The following SLC22A4 variants were observed in gnomAD, a reference collection of about 807,000 sequenced individuals.
SLC22A4 encodes solute carrier family 22 member 4.
SLC22A4 carries 39 observed loss-of-function variants against 56.6 expected under a neutral mutation model. The ratio of observed to expected loss-of-function variants is 0.69; its 90% CI spans 0.53 to 0.90. The LOEUF (loss-of-function observed/expected upper bound fraction) is 0.90. SLC22A4 is among the 40% of genes least tolerant of loss of function. The pLI is 0.00. For missense variants in SLC22A4, 594 were observed against 696.5 expected, an observed-to-expected ratio of 0.85 and a Z score of 1.66; for synonymous variants, 241 against 281.4, an observed-to-expected ratio of 0.86 and a Z score of 1.44.
intron 1 of SLC22A4, among the ~76,000 whole-genome samples, chr5:132,304,160 T>C (rs190437744): frequency 1.9e-4 from 29 of 152,280 alleles, no homozygotes; most frequent in Non-Finnish European, 3.5e-4. Flanking sequence ...ACAAACCTTA[T>C]AGATTTGCCT....
rs768533971 is a variant in SLC22A4 at position 132,322,300 on chromosome 5, C to A, written c.769C>A (p.Arg257=). The A allele has an allele frequency of 8.7e-6, 14 of 1,613,872 alleles. No individual in the cohort carries two copies. In the East Asian group the frequency reaches 2.4e-4, roughly 28 times the overall value. ...PLFAYFIRDW[R]MLLLALTVPG... is the part of the protein sequence containing the mutation. ...GTTTGCTTACTTCATCAGAGACTGG[C>A]GGATGCTGCTGCTGGCGCTGACGGT... is the stretch of plus-strand genomic sequence containing the variant. The change falls in exon 4 of 10, where the codon CGG becomes AGG. Residue 257 remains arginine (R), a synonymous_variant. Transcript: ENST00000200652.
chr5:132,328,046 A>T (rs1175247934), intron 5 of SLC22A4, among the ~76,000 whole-genome samples: 1 of 152,204 alleles, frequency 6.6e-6, no homozygotes, highest in African/African-American at 2.4e-5. Context: ...AGGAACATAG[A>T]ATGTAACTAA....
rs55756450 is a variant in SLC22A4, at chr5:132,319,301, CAA to C, written c.653-2867_653-2866del. ...TAGGCAACAGAGCACAAGTCTGTCT[CAA>C]AAAAAAAAAAAAAAAGAAAAAAAAG... On this transcript the variant is annotated intron_variant, in intron 3 of 9. Coordinates refer to ENST00000200652, the MANE Select transcript of SLC22A4 (RefSeq NM_003059.3). Among the ~76,000 whole-genome samples the C allele has an allele frequency of 5.7e-3, 491 of 85,478 alleles. 3 individuals carry two copies. The highest frequency in any genetic ancestry group is 0.017 in the African/African-American group (440 of 26,650). 56.1% of individuals were successfully genotyped at this position (85,478 alleles called of 152,430 possible).
chr5:132,314,754 T>C (rs1001974521), intron 3 of SLC22A4, among the ~76,000 whole-genome samples: 7 of 152,382 alleles, frequency 4.6e-5, no homozygotes, highest in South Asian at 4.1e-4. Flanking sequence ...ACTGTCTTAA[T>C]TGATGGTGTG....
In SLC22A4 at chr5:132,327,339, T is replaced by A; in HGVS notation, c.887T>A (p.Ile296Asn). 6.2e-7 allele frequency: 1 copy of A among 1,609,650 alleles called. No homozygotes were observed. The highest frequency in any genetic ancestry group is 8.5e-7 in the Non-Finnish European group (1 of 1,175,994). The change falls in exon 5 of 10, where the codon ATC becomes AAC. Residue 296 changes from isoleucine to asparagine, a missense_variant. Coordinates refer to ENST00000200652, the MANE Select transcript of SLC22A4 (RefSeq NM_003059.3). ...SQRRFREAED[I>N]IQKAAKMNNI... ...AGAAGATTTAGAGAGGCTGAAGATA[T>A]CATCCAAAAAGCTGCAAAAATGAAC...
At chr5:132,327,748 A>G (rs547556310) in intron 5 of SLC22A4, among the ~76,000 whole-genome samples, 24 of 152,184 alleles carry the variant, frequency 1.6e-4, no homozygotes, top group Non-Finnish European at 3.4e-4. Context: ...AAGTGGAAAA[A>G]TATGTTTCAG....
intron 9 of SLC22A4, among the ~76,000 whole-genome samples, chr5:132,341,179 G>A (rs899978999): frequency 1.3e-5 from 2 of 151,956 alleles, no homozygotes; most frequent in African/African-American, 4.8e-5. Flanking sequence ...CAACACTTTG[G>A]GAGGCTGAGG....
At chr5:132,302,565 G>A (rs1260863986) in intron 1 of SLC22A4, among the ~76,000 whole-genome samples, 1 of 152,208 alleles carries the variant, frequency 6.6e-6, no homozygotes, top group Non-Finnish European at 1.5e-5. Context: ...ACATGCTCTA[G>A]CAAGAAGCAC....
chr5:132,319,628 T>C (rs1750473680), intron 3 of SLC22A4, among the ~76,000 whole-genome samples: 1 of 152,224 alleles, frequency 6.6e-6, no homozygotes, highest in Admixed American at 6.5e-5. Context: ...GTTTCGCTCT[T>C]GTTGCCCAGT....
chr5:132,309,142 T>G (rs3792879), intron 1 of SLC22A4, among the ~76,000 whole-genome samples: 1 of 152,104 alleles, frequency 6.6e-6, no homozygotes, highest in Non-Finnish European at 1.5e-5. Flanking sequence ...AAGAAAAGCC[T>G]TTTCTAAAGG....
At chr5:132,302,631 T>A (rs72795121) in intron 1 of SLC22A4, among the ~76,000 whole-genome samples, 47,442 of 152,148 alleles carry the variant, frequency 0.31, 9,525 homozygotes, top group Non-Finnish European at 0.46. Flanking sequence ...GAGGGCAGGT[T>A]CAGGCGGCAA....
intron 1 of SLC22A4, among the ~76,000 whole-genome samples, chr5:132,308,640 C>T (rs1750104061): frequency 1.3e-5 from 2 of 151,970 alleles, no homozygotes; most frequent in Admixed American, 6.5e-5. Context: ...AGAGTGACCT[C>T]CTATCCCCTA....
intron 8 of SLC22A4, among the ~76,000 whole-genome samples, chr5:132,339,087 A>C (rs1751118799): frequency 6.6e-6 from 1 of 152,210 alleles, no homozygotes; most frequent in African/African-American, 2.4e-5. Context: ...TGAAATCTTC[A>C]CAATCCACAT....
intron 5 of SLC22A4, among the ~76,000 whole-genome samples, chr5:132,330,623 G>A (rs2126732335): frequency 6.6e-6 from 1 of 152,250 alleles, no homozygotes; most frequent in African/African-American, 2.4e-5. Flanking sequence ...CTACTCAGGA[G>A]GCTGAGGCAG....
chr5:132,320,624 T>C (rs1424984414), intron 3 of SLC22A4, among the ~76,000 whole-genome samples: 1 of 152,164 alleles, frequency 6.6e-6, no homozygotes, highest in Non-Finnish European at 1.5e-5. Context: ...AAATGGCCTC[T>C]TGAGAGGGAC....
chr5:132,313,483 G>C (rs549902379), intron 2 of SLC22A4, 131 bp from the exon 3 acceptor site: 2 of 810,542 alleles, frequency 2.5e-6, no homozygotes, highest in East Asian at 4.8e-5. Context: ...AAGATGGGAG[G>C]ATGTGACAGA....
At chr5:132,338,569 A>AGCTGCC in intron 8 of SLC22A4, among the ~76,000 whole-genome samples, 1 of 152,308 alleles carries the variant, frequency 6.6e-6, no homozygotes, top group East Asian at 1.9e-4. Flanking sequence ...CTACAGCTAC[A>AGCTGCC]ACCGTAAAAG....
At position 132,340,593 on chromosome 5, in the gene SLC22A4, C is replaced by T. The variant is rs141587824; in HGVS notation, c.1473C>T (p.Ile491=). ...LGAYNRMLPY[I]VMGSLTVLIG... ...CTTACAACAGAATGCTGCCCTACAT[C>T]GTCATGGGTAGTCTGACTGTCCTGA... The change falls in exon 9 of 10, where the codon ATC becomes ATT. Residue 491 remains isoleucine, a synonymous_variant. Transcript: ENST00000200652. The T allele has an allele frequency of 1.9e-5, 30 of 1,613,888 alleles. No individual in the cohort carries two copies. Among genetic ancestry groups the T allele is most frequent in the African/African-American group, 1.5e-4 (11 of 75,022 alleles).
intron 7 of SLC22A4, 72 bp from the exon 8 acceptor site, chr5:132,335,746 C>A: frequency 1.6e-6 from 2 of 1,269,036 alleles, no homozygotes; most frequent in Non-Finnish European, 2.3e-6. Context: ...GCAAAAAGGA[C>A]AATAAAAATA....
Sources: gnomAD v4.1 joint callset for allele counts (sites outside exome capture counted in the v4.1 genomes callset) on GRCh38, gnomAD v4.1.1 for gene constraint, MANE v1.5 for transcripts, NCBI Gene and HGNC (gene_info 2026-07-23, HGNC 2026-07-21) for gene names.